DLGAP2: variants seen among roughly 807,000 people sequenced by gnomAD.
DLGAP2 encodes DLG associated protein 2, also known as disks large-associated protein 2.
DLGAP2 carries 26 observed loss-of-function variants against 100.3 expected under a neutral mutation model. That is an observed-to-expected ratio of 0.26 (90% confidence interval 0.19 to 0.36). The LOEUF is 0.36. DLGAP2 is among the 10% of genes least tolerant of loss of function. DLGAP2 has a pLI of 1.00. For synonymous variants in DLGAP2, 886 were observed against 630.1 expected, an observed-to-expected ratio of 1.41 and a Z score of -6.08; for missense variants, 1,858 against 1,453.2, an observed-to-expected ratio of 1.28 and a Z score of -4.53.
rs571735399 is a variant in DLGAP2, at chr8:1,080,756, T to C, written c.73+172790T>C. ...CTGTCTCTGTTCCAGTTGTGAGTCC[T>C]GTGCACTAATATATTTAAATCCTTA... On this transcript the variant is annotated intron_variant, in intron 2 of 14. Transcript: ENST00000637795. Among the ~76,000 whole-genome samples, 192 of 152,340 alleles carry C rather than the reference T, an allele frequency of 1.3e-3. 1 individual carries two copies. The highest frequency in any genetic ancestry group is 4.3e-3 in the African/African-American group (180 of 41,568).
At chr8:1,679,073 T>C (rs1032644250) in intron 12 of DLGAP2, 2 of 155,306 alleles carry the variant, frequency 1.3e-5, no homozygotes, top group African/African-American at 2.4e-5. Flanking sequence ...TAGTTAACTG[T>C]GTGATGATGT....
intron 10 of DLGAP2, among the ~76,000 whole-genome samples, chr8:1,670,388 C>G (rs1798660780): frequency 6.6e-6 from 1 of 152,232 alleles, no homozygotes; most frequent in Non-Finnish European, 1.5e-5. Context: ...GCATGGCAGC[C>G]TCTGCTGAGT....
chr8:1,169,051 T>C (rs1157745221), intron 2 of DLGAP2, among the ~76,000 whole-genome samples: 2 of 149,584 alleles, frequency 1.3e-5, no homozygotes, highest in Non-Finnish European at 3.0e-5. Flanking sequence ...CTTGAATTGA[T>C]TTTTGTATAA....
At chr8:1,593,894 C>T (rs1460091435) in intron 6 of DLGAP2, among the ~76,000 whole-genome samples, 1 of 152,250 alleles carries the variant, frequency 6.6e-6, no homozygotes, top group East Asian at 1.9e-4. Flanking sequence ...ATGCATCCCA[C>T]ACCTCAGCTT....
At chr8:976,179 A>G (rs1305022897) in intron 2 of DLGAP2, among the ~76,000 whole-genome samples, 1 of 152,234 alleles carries the variant, frequency 6.6e-6, no homozygotes. Context: ...AACTCTTATA[A>G]AAGACATAAC....
At chr8:763,230 G>T (rs1021442597) in intron 1 of DLGAP2, among the ~76,000 whole-genome samples, 6 of 152,196 alleles carry the variant, frequency 3.9e-5, no homozygotes, top group Non-Finnish European at 8.8e-5. Context: ...ATGAGGACTG[G>T]GGTTAACCCG....
intron 3 of DLGAP2, among the ~76,000 whole-genome samples, chr8:1,366,298 G>C (rs1409338668): frequency 6.6e-6 from 1 of 152,240 alleles, no homozygotes; most frequent in Non-Finnish European, 1.5e-5. Flanking sequence ...CTAAGGACTG[G>C]AGATACAGGT....
intron 2 of DLGAP2, among the ~76,000 whole-genome samples, chr8:1,059,662 G>A (rs1803011529): frequency 6.6e-6 from 1 of 152,178 alleles, no homozygotes; most frequent in African/African-American, 2.4e-5. Context: ...GTGAATGCTT[G>A]TGGGTAGATA....
chr8:993,696 C>A (rs1800696469), intron 2 of DLGAP2, among the ~76,000 whole-genome samples: 1 of 151,414 alleles, frequency 6.6e-6, no homozygotes, highest in Admixed American at 6.6e-5. Flanking sequence ...TACACTCGTG[C>A]CTCTCAGGGA....
intron 8 of DLGAP2, among the ~76,000 whole-genome samples, chr8:1,640,114 A>G (rs1797861812): frequency 6.6e-6 from 1 of 152,248 alleles, no homozygotes; most frequent in South Asian, 2.1e-4. Context: ...AACCGAGCCC[A>G]GTATAAATGG....
At chr8:1,617,657 T>A (rs1183533447) in intron 6 of DLGAP2, among the ~76,000 whole-genome samples, 1 of 152,242 alleles carries the variant, frequency 6.6e-6, no homozygotes, top group Non-Finnish European at 1.5e-5. Flanking sequence ...TCCCATTTTG[T>A]ACGTTTTCTG....
At chr8:1,452,022 G>A (rs1157784227) in intron 3 of DLGAP2, among the ~76,000 whole-genome samples, 1 of 152,256 alleles carries the variant, frequency 6.6e-6, no homozygotes, top group Non-Finnish European at 1.5e-5. Flanking sequence ...TTCTGCCGAT[G>A]TCCCATCCTG....
chr8:1,429,412 T>C (rs1485345606), intron 3 of DLGAP2, among the ~76,000 whole-genome samples: 1 of 152,136 alleles, frequency 6.6e-6, no homozygotes, highest in Non-Finnish European at 1.5e-5. Flanking sequence ...TGTGAGCTCA[T>C]GGGGTCCAGG....
intron 2 of DLGAP2, among the ~76,000 whole-genome samples, chr8:1,084,450 C>A (rs879577293): frequency 5.9e-5 from 9 of 152,178 alleles, no homozygotes; most frequent in Non-Finnish European, 1.2e-4. Context: ...ATTAGCTGTA[C>A]TCAGCATGCC....
intron 1 of DLGAP2, among the ~76,000 whole-genome samples, chr8:900,104 C>T (rs1219617187): frequency 6.6e-6 from 1 of 152,082 alleles, no homozygotes; most frequent in Non-Finnish European, 1.5e-5. Flanking sequence ...GGATGGTGGG[C>T]GGCCTCCTCT....
At chr8:1,179,930 C>G (rs942506966) in intron 2 of DLGAP2, among the ~76,000 whole-genome samples, 1 of 152,150 alleles carries the variant, frequency 6.6e-6, no homozygotes, top group Non-Finnish European at 1.5e-5. Flanking sequence ...GGAAATTAAA[C>G]CGTGCCTTTA....
chr8:1,073,282 G>A (rs1311631017), intron 2 of DLGAP2, among the ~76,000 whole-genome samples: 1 of 152,072 alleles, frequency 6.6e-6, no homozygotes. Context: ...GAATAAAATT[G>A]TAAAAAAACT....
At chr8:836,554 G>C (rs1044958248) in intron 1 of DLGAP2, among the ~76,000 whole-genome samples, 2 of 152,176 alleles carry the variant, frequency 1.3e-5, no homozygotes, top group East Asian at 1.9e-4. Context: ...GGTTCTGCCG[G>C]GGTGACCCTC....
At chr8:1,685,603 T>C (rs1799094255) in intron 12 of DLGAP2, among the ~76,000 whole-genome samples, 1 of 151,818 alleles carries the variant, frequency 6.6e-6, no homozygotes, top group African/African-American at 2.4e-5. Flanking sequence ...TAAAAAGACA[T>C]GGATGCTTGT....
Sources: gnomAD v4.1 joint callset for allele counts (sites outside exome capture counted in the v4.1 genomes callset) on GRCh38, gnomAD v4.1.1 for gene constraint, MANE v1.5 for transcripts, NCBI Gene and HGNC (gene_info 2026-07-23, HGNC 2026-07-21) for gene names.